Variants in XKR3 observed in about 807,000 individuals in gnomAD.
XKR3 encodes the protein XK related 3, also known as XK-related protein 3.
Under a neutral mutation model 40.3 loss-of-function variants are expected in XKR3, and 27 were observed. That is an observed-to-expected ratio of 0.67 (90% CI 0.49 to 0.92). The LOEUF (loss-of-function observed/expected upper bound fraction) is 0.92, where lower values mean the gene tolerates loss of function less well. XKR3 is among the 40% of genes least tolerant of loss of function. XKR3 has a pLI of 0.00. For synonymous variants in XKR3, 193 were observed against 195.4 expected, an observed-to-expected ratio of 0.99 and a Z score of 0.10; for missense variants, 472 against 537.6, an observed-to-expected ratio of 0.88 and a Z score of 1.21.
intron 1 of XKR3, among the ~76,000 whole-genome samples, chr22:16,817,929 G>C (rs540671130): frequency 1.3e-5 from 2 of 152,026 alleles, no homozygotes; most frequent in South Asian, 4.2e-4. Context: ...TTCTGCAGTT[G>C]AAAAAGAACA....
chr22:16,790,346 A>G (rs1233576705), intron 3 of XKR3, among the ~76,000 whole-genome samples: 41 of 151,434 alleles, frequency 2.7e-4, no homozygotes, highest in African/African-American at 9.7e-4. Context: ...CACGCAGAAA[A>G]AAAAAAAAAA....
chr22:16,807,076 A>T (rs1200879991), intron 2 of XKR3, among the ~76,000 whole-genome samples: 2 of 152,326 alleles, frequency 1.3e-5, no homozygotes, highest in East Asian at 1.9e-4. Context: ...GAGTTTACCT[A>T]AAACATTCAG....
intron 1 of XKR3, among the ~76,000 whole-genome samples, 110 bp downstream of exon 1, chr22:16,825,181 G>A (rs948911432): frequency 6.6e-6 from 1 of 152,140 alleles, no homozygotes; most frequent in Non-Finnish European, 1.5e-5. Context: ...CTCGGGAAAA[G>A]CCACCCCTGA....
chr22:16,819,589 C>T (rs146748858), intron 1 of XKR3, among the ~76,000 whole-genome samples: 221 of 152,286 alleles, frequency 1.5e-3, no homozygotes, highest in African/African-American at 5.0e-3. Context: ...ACATAAAACT[C>T]ACCCTACAGA....
intron 1 of XKR3, among the ~76,000 whole-genome samples, chr22:16,814,333 G>A (rs1236860998): frequency 5.3e-5 from 8 of 152,084 alleles, no homozygotes; most frequent in African/African-American, 1.7e-4. Context: ...ATTGCACACA[G>A]GTGGGAAGGC....
intron 2 of XKR3, among the ~76,000 whole-genome samples, chr22:16,800,958 A>G (rs144048014): frequency 9.5e-4 from 144 of 152,320 alleles, no homozygotes; most frequent in Non-Finnish European, 1.6e-3. Flanking sequence ...CACTGGGTAA[A>G]TTAAATAGTT....
chr22:16,803,902 A>G (rs918297900), intron 2 of XKR3, among the ~76,000 whole-genome samples: 1 of 152,220 alleles, frequency 6.6e-6, no homozygotes, highest in Admixed American at 6.5e-5. Context: ...CATTCTTAAT[A>G]AACTTGCTTT....
At position 16,790,641 on chromosome 22, in the gene XKR3, C is replaced by T. The variant is rs1569035984; in HGVS notation, c.590-6232G>A. Among the ~76,000 whole-genome samples the T allele has an allele frequency of 3.3e-5, 5 of 152,168 alleles. No homozygotes were observed. In the East Asian group the frequency reaches 9.6e-4, roughly 29 times the overall value. On this transcript the variant is annotated intron_variant, in intron 3 of 3. Coordinates refer to ENST00000684488, the MANE Select transcript of XKR3 (RefSeq NM_001386955.1). ...CTGGGTGATGAAATAATTTGTACAA[C>T]AAACCCCTATCATACAAGTTTACTT...
At chr22:16,795,633 A>C (rs5748639) in intron 3 of XKR3, among the ~76,000 whole-genome samples, 63,672 of 151,668 alleles carry the variant, frequency 0.42, 13,418 homozygotes, top group Non-Finnish European at 0.43. Context: ...AAAATAAAAT[A>C]AATAAATAAA....
intron 1 of XKR3, among the ~76,000 whole-genome samples, chr22:16,816,505 GC>G (rs1434782185): frequency 1.7e-4 from 26 of 150,192 alleles, no homozygotes; most frequent in Non-Finnish European, 3.3e-4. Context: ...TGTATTTCTA[GC>G]CCCCACAAAA....
intron 1 of XKR3, among the ~76,000 whole-genome samples, chr22:16,815,548 T>G (rs2060229877): frequency 6.6e-6 from 1 of 152,058 alleles, no homozygotes; most frequent in Non-Finnish European, 1.5e-5. Context: ...CTAAAACTTG[T>G]TGAGATCACA....
chr22:16,817,978 AT>A (rs2060240645), intron 1 of XKR3, among the ~76,000 whole-genome samples: 2 of 151,710 alleles, frequency 1.3e-5, no homozygotes, highest in South Asian at 2.1e-4. Context: ...TGCCAACTTT[AT>A]TTTTTTTCCA....
chr22:16,791,331 C>T (rs1301463861), intron 3 of XKR3, among the ~76,000 whole-genome samples: 2 of 151,290 alleles, frequency 1.3e-5, no homozygotes, highest in Non-Finnish European at 2.9e-5. Flanking sequence ...AAAAAAGACT[C>T]TGTGGATATA....
At chr22:16,806,344 G>C (rs1337669501) in intron 2 of XKR3, among the ~76,000 whole-genome samples, 1 of 150,490 alleles carries the variant, frequency 6.6e-6, no homozygotes, top group Non-Finnish European at 1.5e-5. Context: ...CATCACATCT[G>C]GTAATAATTC....
chr22:16,806,290 A>T (rs1042060456), intron 2 of XKR3, among the ~76,000 whole-genome samples: 47 of 78,160 alleles, frequency 6.0e-4, no homozygotes, highest in African/African-American at 2.9e-3. Flanking sequence ...TCAATTAATC[A>T]ATACTTTCTT....
rs544811425 is a variant in XKR3, at chr22:16,803,860, C to T, written c.336-3836G>A. On this transcript the variant is annotated intron_variant, in intron 2 of 3. Transcript: ENST00000684488. ...AACCAGCAGCCTTTGGGCATGCTCT[C>T]TCTATGGAGTAGCCATTCTTTTATT... Among the ~76,000 whole-genome samples, 10 of 152,298 alleles carry T rather than the reference C, an allele frequency of 6.6e-5. No individual in the cohort carries two copies. The South Asian group carries it at 1.2e-3, about 19-fold the overall frequency.
chr22:16,793,078 T>C lies in XKR3; in HGVS notation c.589+6693A>G, dbSNP rs374574296. 6.7e-4 allele frequency among the ~76,000 whole-genome samples: 102 copies of C among 152,346 alleles called. 2 individuals carry two copies. Among genetic ancestry groups the C allele is most frequent in the African/African-American group, 2.4e-3 (98 of 41,568 alleles). On this transcript the variant is annotated intron_variant, in intron 3 of 3. Coordinates refer to ENST00000684488, the MANE Select transcript of XKR3 (RefSeq NM_001386955.1). Reference sequence around the variant, plus strand: ...CCCAGGCTGGAGTGCAATGGGGCCATCTTGGCTCACCGCAACCTCTGCCTC... The same window carrying C: ...CCCAGGCTGGAGTGCAATGGGGCCACCTTGGCTCACCGCAACCTCTGCCTC...
intron 2 of XKR3, among the ~76,000 whole-genome samples, chr22:16,805,578 G>A (rs2060186334): frequency 6.6e-6 from 1 of 151,944 alleles, no homozygotes; most frequent in South Asian, 2.1e-4. Flanking sequence ...ACAATATTTG[G>A]CAGAAACAAT....
chr22:16,784,245 T>C lies in XKR3; in HGVS notation c.754A>G (p.Thr252Ala). 6.2e-7 allele frequency: 1 copy of C among 1,613,940 alleles called. No homozygotes were observed. The highest frequency in any genetic ancestry group is 8.5e-7 in the Non-Finnish European group (1 of 1,179,988). Residue 252 changes from threonine to alanine, a missense_variant, in exon 4 of 4, where the codon ACT becomes GCT. Thr to Ala is a moderately conservative substitution (Grantham distance 58). Coordinates refer to ENST00000684488, the MANE Select transcript of XKR3 (RefSeq NM_001386955.1). ...AGAGATGCAATGAAAAATGCCAGAGTCACTACACGTGAGATAACCTCCAAA... is the reference window on the plus strand; with the variant it reads ...AGAGATGCAATGAAAAATGCCAGAGCCACTACACGTGAGATAACCTCCAAA... ...RFLEVISRVVTLAFFIASLKL... is the reference protein window; with the variant it reads ...RFLEVISRVVALAFFIASLKL...
Sources: allele counts gnomAD v4.1 joint callset (sites outside exome capture counted in the v4.1 genomes callset), GRCh38; gene constraint gnomAD v4.1.1; transcripts MANE v1.5; gene names NCBI Gene and HGNC (gene_info 2026-07-23, HGNC 2026-07-21).